The following KBTBD12 variants were observed in gnomAD, a reference collection of about 807,000 sequenced individuals.
KBTBD12 encodes the protein kelch repeat and BTB domain-containing protein 12.
In KBTBD12, 53 loss-of-function variants were observed where a neutral mutation model predicts 58.7. That is an observed-to-expected ratio of 0.90 (90% CI 0.72 to 1.14). The LOEUF (loss-of-function observed/expected upper bound fraction) is 1.14. KBTBD12 is among the 50% of genes most tolerant of loss of function. The probability of loss-of-function intolerance (pLI) is 0.00; values close to 1 mark genes in which losing one functional copy is unlikely to be tolerated. For missense variants in KBTBD12, 704 were observed against 751.3 expected (o/e 0.94, Z 0.74); for synonymous variants, 236 against 259.8 (o/e 0.91, Z 0.88).
chr3:127,979,513 C>T (rs1213743255), intron 5 of KBTBD12, among the ~76,000 whole-genome samples: 2 of 152,206 alleles, frequency 1.3e-5, no homozygotes, highest in African/African-American at 4.8e-5. Flanking sequence ...CAACACAACA[C>T]AATGGTCAGC....
At chr3:127,957,219 T>G (rs1307608984) in intron 4 of KBTBD12, among the ~76,000 whole-genome samples, 1 of 152,246 alleles carries the variant, frequency 6.6e-6, no homozygotes, top group Non-Finnish European at 1.5e-5. Flanking sequence ...TCATTTCACT[T>G]AGACACAAGA....
Position 127,985,819 on chromosome 3 carries a change from G to A in KBTBD12, c.*1541G>A, listed in dbSNP as rs1940954996. ...CACTCACAGTACCTGGCATGTGGGT[G>A]ACCTCTTGGGTGGCCGGCATGGGGC... On this transcript the variant is annotated 3_prime_UTR_variant, in exon 6 of 6. Coordinates refer to ENST00000405109, the MANE Select transcript of KBTBD12 (RefSeq NM_207335.4). 6.6e-6 allele frequency: 1 copy of A among 152,280 alleles called. No individual in the cohort carries two copies. The highest frequency in any genetic ancestry group is 2.4e-5 in the African/African-American group (1 of 41,470). 9.4% of individuals were successfully genotyped at this position (152,280 alleles called of 1,614,324 possible).
At position 127,966,021 on chromosome 3, in the gene KBTBD12, C is replaced by A. The variant is rs76683648; in HGVS notation, c.1690+2635C>A. Among the ~76,000 whole-genome samples, 1,180 of 152,290 alleles carry A rather than the reference C, an allele frequency of 7.7e-3. 71 individuals are homozygous for A. The East Asian group carries it at 0.14, about 19-fold the overall frequency. On this transcript the variant is annotated intron_variant, in intron 5 of 5. Coordinates refer to ENST00000405109, the MANE Select transcript of KBTBD12 (RefSeq NM_207335.4). ...GAAGATTAGCTGAAAGACAGGAAGA[C>A]CCCTAATTTCCTGCCCTACTCTTGA...
intron 4 of KBTBD12, among the ~76,000 whole-genome samples, chr3:127,960,330 C>T (rs1940410598): frequency 6.6e-6 from 1 of 152,058 alleles, no homozygotes. Flanking sequence ...ATAATTTCCC[C>T]CTTTCCACTA....
chr3:127,985,580 A>G lies in KBTBD12; in HGVS notation c.*1302A>G, dbSNP rs1293750360. The G allele has an allele frequency of 6.6e-6, 1 of 152,258 alleles. No homozygotes were observed. Among genetic ancestry groups the G allele is most frequent in the African/African-American group, 2.4e-5 (1 of 41,466 alleles). 9.4% of individuals were successfully genotyped at this position (152,258 alleles called of 1,614,324 possible). A position where few individuals can be genotyped will look rare whatever the true frequency, so the allele number is the denominator to read the frequency against. ...GTAGAGACAGCTTTCTTTGGTGCTGAGCTGTGTGATTGTGATGACCGCTAG... is the reference window on the plus strand; with the variant it reads ...GTAGAGACAGCTTTCTTTGGTGCTGGGCTGTGTGATTGTGATGACCGCTAG... On this transcript the variant is annotated 3_prime_UTR_variant, in exon 6 of 6. Transcript: ENST00000405109.
intron 4 of KBTBD12, among the ~76,000 whole-genome samples, chr3:127,940,632 C>T (rs1290877967): frequency 2.0e-5 from 3 of 151,902 alleles, no homozygotes; most frequent in Non-Finnish European, 2.9e-5. Flanking sequence ...AAAGTTCTCA[C>T]ATCTATAGTC....
At position 127,984,353 on chromosome 3, in the gene KBTBD12, G is replaced by A. The variant is rs1940929651; in HGVS notation, c.*75G>A. ...AACGGAGAGGGCCCACAGCATCTCT[G>A]TCATGCCAGTCATGTGCACTGCATG... On this transcript the variant is annotated 3_prime_UTR_variant, in exon 6 of 6. Transcript: ENST00000405109. The A allele has an allele frequency of 7.6e-7, 1 of 1,309,542 alleles. No individual in the cohort carries two copies. Among genetic ancestry groups the A allele is most frequent in the Non-Finnish European group, 1.1e-6 (1 of 930,722 alleles). 81.1% of individuals were successfully genotyped at this position (1,309,542 alleles called of 1,614,324 possible).
intron 5 of KBTBD12, among the ~76,000 whole-genome samples, chr3:127,965,890 A>T (rs761656145): frequency 4.6e-5 from 7 of 152,238 alleles, no homozygotes; most frequent in Non-Finnish European, 7.3e-5. Context: ...GAAAAAACAA[A>T]AAACAAACAA....
At chr3:127,916,767 A>T (rs765260680) in intron 1 of KBTBD12, among the ~76,000 whole-genome samples, 2 of 151,980 alleles carry the variant, frequency 1.3e-5, no homozygotes, top group African/African-American at 4.8e-5. Context: ...AAGCCAATAC[A>T]TGGCTTCAGT....
At chr3:127,924,390 A>C (rs2107589533) in intron 2 of KBTBD12, among the ~76,000 whole-genome samples, 1 of 148,796 alleles carries the variant, frequency 6.7e-6, no homozygotes, top group South Asian at 2.1e-4. Flanking sequence ...ATTATATAAA[A>C]TATAAATGTA....
intron 4 of KBTBD12, among the ~76,000 whole-genome samples, chr3:127,960,269 G>T (rs577419404): frequency 6.6e-5 from 10 of 152,178 alleles, no homozygotes; most frequent in Admixed American, 4.6e-4. Flanking sequence ...ACAAGAAGGA[G>T]GGAGTCTTTA....
intron 1 of KBTBD12, among the ~76,000 whole-genome samples, chr3:127,918,120 C>A (rs1237064587): frequency 6.6e-6 from 1 of 152,092 alleles, no homozygotes; most frequent in Admixed American, 6.5e-5. Flanking sequence ...AGGTCCCAGC[C>A]TGGGCAACAG....
intron 5 of KBTBD12, among the ~76,000 whole-genome samples, chr3:127,965,758 G>A (rs556244781): frequency 8.7e-4 from 132 of 152,142 alleles, no homozygotes; most frequent in Non-Finnish European, 1.6e-3. Context: ...TTATCTTCAA[G>A]CCCCACTAAA....
chr3:127,919,430 A>T (rs976073205), intron 1 of KBTBD12, among the ~76,000 whole-genome samples: 4 of 152,170 alleles, frequency 2.6e-5, no homozygotes, highest in Non-Finnish European at 5.9e-5. Context: ...GGGTTTCACC[A>T]TGTTGGTCAG....
intron 1 of KBTBD12, among the ~76,000 whole-genome samples, chr3:127,920,407 T>C (rs1454124031): frequency 6.6e-6 from 1 of 151,528 alleles, no homozygotes; most frequent in Non-Finnish European, 1.5e-5. Context: ...TTTTTTTTTT[T>C]GCTGTACTAT....
At chr3:127,943,249 T>C (rs573266388) in intron 4 of KBTBD12, among the ~76,000 whole-genome samples, 1 of 152,222 alleles carries the variant, frequency 6.6e-6, no homozygotes, top group Non-Finnish European at 1.5e-5. Context: ...TATTTCTGTT[T>C]TTTGAAGAAA....
At chr3:127,972,674 G>T (rs200697875) in intron 5 of KBTBD12, among the ~76,000 whole-genome samples, 1 of 152,270 alleles carries the variant, frequency 6.6e-6, no homozygotes, top group South Asian at 2.1e-4. Flanking sequence ...GCAAGGTAAG[G>T]TTCAGATATC....
intron 4 of KBTBD12, among the ~76,000 whole-genome samples, chr3:127,947,792 CTCTG>C (rs1350384626): frequency 6.6e-6 from 1 of 152,208 alleles, no homozygotes; most frequent in Non-Finnish European, 1.5e-5. Context: ...AGCAGGGTTC[CTCTG>C]TCTGTGCCAA....
At chr3:127,961,767 A>G (rs73860775) in intron 4 of KBTBD12, among the ~76,000 whole-genome samples, 24,010 of 152,190 alleles carry the variant, frequency 0.16, 2,143 homozygotes, top group South Asian at 0.32. Context: ...GCTAGGTACT[A>G]GGGATGCAAT....
Sources: allele counts gnomAD v4.1 joint callset (sites outside exome capture counted in the v4.1 genomes callset), GRCh38; gene constraint gnomAD v4.1.1; transcripts MANE v1.5; gene names NCBI Gene and HGNC (gene_info 2026-07-23, HGNC 2026-07-21).